MYH10: variants seen among roughly 807,000 people sequenced by gnomAD.
MYH10 encodes the protein myosin-10.
A neutral mutation model predicts 257.8 loss-of-function variants in MYH10; 55 were observed. That is an observed-to-expected ratio of 0.21 (90% CI 0.17 to 0.27). MYH10 has a LOEUF of 0.27. Among genes scored for constraint, MYH10 ranks in the 10% least tolerant of loss-of-function variants. The pLI, the probability that MYH10 is intolerant of heterozygous loss-of-function variation, is 1.00. For synonymous variants in MYH10, 854 were observed against 921.7 expected (o/e 0.93, Z 1.33); for missense variants, 1,631 against 2,500.6 (o/e 0.65, Z 7.42).
intron 11 of MYH10, 104 bp downstream of exon 11, chr17:8,548,209 T>G: frequency 1.3e-6 from 1 of 785,124 alleles, no homozygotes; most frequent in Non-Finnish European, 2.1e-6. Context: ...CAAGGGTCCC[T>G]TCAGAAATGC....
At chr17:8,625,481 T>G (rs1044644569) in intron 1 of MYH10, among the ~76,000 whole-genome samples, 1 of 128,246 alleles carries the variant, frequency 7.8e-6, no homozygotes, top group Admixed American at 7.2e-5. Context: ...GCCTGAGAAC[T>G]ATTTTTTTTT....
chr17:8,608,810 A>T (rs1056258844), intron 2 of MYH10, among the ~76,000 whole-genome samples: 18 of 140,806 alleles, frequency 1.3e-4, no homozygotes, highest in South Asian at 2.3e-4. Flanking sequence ...TGATTGGGAA[A>T]TTTTTTTTTT....
At chr17:8,556,261 G>A (rs1442417863) in intron 7 of MYH10, among the ~76,000 whole-genome samples, 3 of 152,198 alleles carry the variant, frequency 2.0e-5, no homozygotes, top group Non-Finnish European at 4.4e-5. Context: ...TTCCATTCCT[G>A]GGCGGGGTTT....
chr17:8,604,742 T>C (rs754854195), intron 3 of MYH10, 84 bp downstream of exon 3: 2 of 1,016,264 alleles, frequency 2.0e-6, no homozygotes, highest in African/African-American at 1.7e-5. Context: ...AATTTAACTT[T>C]TGTAGAATAC....
At chr17:8,617,006 G>A (rs1015385245) in intron 2 of MYH10, among the ~76,000 whole-genome samples, 1 of 151,972 alleles carries the variant, frequency 6.6e-6, no homozygotes, top group Non-Finnish European at 1.5e-5. Flanking sequence ...TCAGAGCAGT[G>A]GAGAAAGGAT....
chr17:8,494,104 C>T (rs963600515), intron 31 of MYH10, among the ~76,000 whole-genome samples: 27 of 152,168 alleles, frequency 1.8e-4, no homozygotes, highest in African/African-American at 6.0e-4. Flanking sequence ...AAACGAATGG[C>T]GGCGCCATCC....
chr17:8,559,171 T>C (rs545839982), intron 7 of MYH10, among the ~76,000 whole-genome samples: 1 of 152,316 alleles, frequency 6.6e-6, no homozygotes, highest in East Asian at 1.9e-4. Context: ...CTTTATATAA[T>C]TGATTTCATC....
At chr17:8,577,484 T>C in intron 4 of MYH10, 146 bp from the exon 5 acceptor site, 1 of 484,860 alleles carries the variant, frequency 2.1e-6, no homozygotes, top group South Asian at 4.9e-5. Context: ...CAGCAGTAGT[T>C]AGAAAAGAAA....
intron 31 of MYH10, among the ~76,000 whole-genome samples, chr17:8,494,476 G>A (rs890028395): frequency 6.6e-6 from 1 of 152,102 alleles, no homozygotes; most frequent in Non-Finnish European, 1.5e-5. Flanking sequence ...GTCATGCATG[G>A]GGTGTGCTTT....
intron 7 of MYH10, among the ~76,000 whole-genome samples, chr17:8,557,311 A>G (rs1208762816): frequency 6.6e-6 from 1 of 152,182 alleles, no homozygotes; most frequent in Non-Finnish European, 1.5e-5. Flanking sequence ...CCTATTAAAA[A>G]AAACCCAAAC....
At chr17:8,610,568 T>C (rs1038719037) in intron 2 of MYH10, among the ~76,000 whole-genome samples, 1 of 152,282 alleles carries the variant, frequency 6.6e-6, no homozygotes, top group Non-Finnish European at 1.5e-5. Context: ...TGCAACAATG[T>C]TGGGAGGTGA....
intron 36 of MYH10, among the ~76,000 whole-genome samples, chr17:8,485,473 T>C (rs1452500295): frequency 6.6e-6 from 1 of 151,558 alleles, no homozygotes; most frequent in African/African-American, 2.4e-5. Flanking sequence ...TTTTTTTTTT[T>C]TTTGGTGGCA....
intron 4 of MYH10, 121 bp downstream of exon 4, chr17:8,588,960 C>A: frequency 1.1e-6 from 1 of 899,722 alleles, no homozygotes; most frequent in Non-Finnish European, 1.8e-6. Flanking sequence ...AAAATAACTG[C>A]GAGGTTTACA....
chr17:8,577,257 T>C lies in MYH10; in HGVS notation c.612A>G (p.Gly204=), dbSNP rs2152020203. 1.9e-6 allele frequency: 3 copies of C among 1,611,686 alleles called. No individual in the cohort carries two copies. In the East Asian group the frequency reaches 6.7e-5, roughly 36 times the overall value. ...YLAHVASSHK[G]RKDHNIPQES... ...TTACAGGAATATTATGGTCCTTTCT[T>C]CCTTTATGTGAAGAAGCAACATGGG... The change falls in exon 5 of 43, where the codon GGA becomes GGG. Residue 204 remains glycine, a synonymous_variant. Coordinates refer to ENST00000360416, the MANE Select transcript of MYH10 (RefSeq NM_001256012.3).
At position 8,569,864 on chromosome 17, in the gene MYH10, G is replaced by A. The variant is rs422173; in HGVS notation, c.664-52C>T. 0.42 allele frequency: 556,405 copies of A among 1,330,284 alleles called. 117,212 individuals are homozygous for A. Among genetic ancestry groups the A allele is most frequent in the East Asian group, 0.45 (18,477 of 41,206 alleles). The allele number at this position is 1,330,284 out of a possible 1,614,324, so 82.4% of individuals were successfully genotyped here. On this transcript the variant is annotated intron_variant, in intron 6 of 42. Transcript: ENST00000360416. This position sits in a 1 kb window ranked among gnomAD's most constrained non-coding sequence, Gnocchi z 4.1. The stretch of plus-strand genomic sequence containing the variant: ...AAAAGCAGATGTACGTTAATCTAAT[G>A]TCTTTACTCAAGTCATCAGGGGAAA...
intron 35 of MYH10, 120 bp from the exon 36 acceptor site, chr17:8,487,714 TAG>T (rs1200776306): frequency 3.6e-6 from 4 of 1,126,046 alleles, no homozygotes; most frequent in Non-Finnish European, 3.8e-6. Context: ...TGTTACTCTG[TAG>T]AGGTCTCTGT....
chr17:8,552,333 C>T lies in MYH10; in HGVS notation c.821-189G>A, dbSNP rs192903433. 1.3e-5 allele frequency among the ~76,000 whole-genome samples: 2 copies of T among 152,294 alleles called. No homozygotes were observed. The highest frequency in any genetic ancestry group is 1.9e-4 in the East Asian group (1 of 5,192). On this transcript the variant is annotated intron_variant, in intron 8 of 42. Transcript: ENST00000360416. The surrounding 1 kb of genome is among the most constrained non-coding windows in gnomAD (Gnocchi z 4.8). ...GAAAAAAGAAAATAGGTGCAACTTA[C>T]GTTCCTCACTGATCTTCCAGAATCA...
chr17:8,573,410 C>T (rs938393293), intron 6 of MYH10, among the ~76,000 whole-genome samples: 10 of 152,148 alleles, frequency 6.6e-5, no homozygotes. Flanking sequence ...TGTCTTGGTT[C>T]AGCACAGTTT....
At chr17:8,530,343 G>A (rs1228266874) in intron 17 of MYH10, among the ~76,000 whole-genome samples, 2 of 152,074 alleles carry the variant, frequency 1.3e-5, no homozygotes, top group East Asian at 1.9e-4. Context: ...TTTAATATGC[G>A]GTGCTATAAG....
Sources: allele counts gnomAD v4.1 joint callset (sites outside exome capture counted in the v4.1 genomes callset), GRCh38; gene constraint gnomAD v4.1.1; non-coding constraint Gnocchi (gnomAD v3.1); transcripts MANE v1.5; gene names NCBI Gene and HGNC (gene_info 2026-07-23, HGNC 2026-07-21).